MORN1: variants seen among roughly 807,000 people sequenced by gnomAD.
MORN1 encodes MORN repeat-containing protein 1.
Under a neutral mutation model 61.9 loss-of-function variants are expected in MORN1, and 67 were observed. That is an observed-to-expected ratio of 1.08 (90% confidence interval 0.89 to 1.33). MORN1 has a LOEUF of 1.33. Among genes scored for constraint, MORN1 ranks in the 40% most tolerant of loss-of-function variants. The probability of loss-of-function intolerance (pLI) is 0.00; values close to 1 mark genes in which losing one functional copy is unlikely to be tolerated. For synonymous variants in MORN1, 301 were observed against 292.0 expected (o/e 1.03, Z -0.31); for missense variants, 752 against 691.2 (o/e 1.09, Z -0.99).
chr1:2,375,392 C>A (rs12743492), intron 6 of MORN1: 2,752 of 152,404 alleles, frequency 0.018, 62 homozygotes, highest in Admixed American at 0.06. Flanking sequence ...GGATCCTGGG[C>A]CCTGGGATGT....
chr1:2,323,253 A>G (rs1386036728), intron 13 of MORN1: 1 of 985,224 alleles, frequency 1.0e-6, no homozygotes, highest in African/African-American at 1.7e-5. Context: ...CCCCGGCCAC[A>G]CGGGTGCCGT....
intron 6 of MORN1, among the ~76,000 whole-genome samples, chr1:2,381,456 A>G (rs1224070825): frequency 6.6e-6 from 1 of 152,152 alleles, no homozygotes; most frequent in Non-Finnish European, 1.5e-5. Context: ...TGGGGCAGCA[A>G]GCACCAGCAC....
rs368456519 is a variant in MORN1, at chr1:2,324,090, C to T, written c.1297+7G>A. 2.5e-6 allele frequency: 4 copies of T among 1,595,808 alleles called. No homozygotes were observed. The African/African-American group carries it at 4.0e-5, about 16-fold the overall frequency. On this transcript the variant is annotated splice_region_variant and intron_variant, in intron 13 of 13. Transcript: ENST00000378531. ...GCCGGCGATGGACTTGGGCCCTGTC[C>T]ACCTACCTAGGTGTGCTGCCGCAGC...
At chr1:2,389,616 G>C (rs1371817958) in intron 2 of MORN1, among the ~76,000 whole-genome samples, 1 of 152,208 alleles carries the variant, frequency 6.6e-6, no homozygotes, top group Non-Finnish European at 1.5e-5. Flanking sequence ...TACAAGAGTA[G>C]GTTCTCTTTA....
In MORN1 at chr1:2,372,088, A is replaced by G; in HGVS notation, c.745+393T>C. ...CAACTGCGATGGCCAGCAGCGGATG[A>G]GTGGGGAAGCAGAAAGTAGCCCCTC... On this transcript the variant is annotated intron_variant, in intron 8 of 13. Transcript: ENST00000378531. The surrounding 1 kb of genome is among the most constrained non-coding windows in gnomAD (Gnocchi z 5.4). The G allele has an allele frequency of 4.4e-6, 1 of 229,140 alleles. No homozygotes were observed. Among genetic ancestry groups the G allele is most frequent in the Non-Finnish European group, 8.8e-6 (1 of 113,038 alleles). 14.2% of individuals were successfully genotyped at this position (229,140 alleles called of 1,614,324 possible).
chr1:2,329,349 A>C (rs1457683219), intron 12 of MORN1, among the ~76,000 whole-genome samples: 1 of 152,224 alleles, frequency 6.6e-6, no homozygotes, highest in Non-Finnish European at 1.5e-5. Flanking sequence ...TTTCTAAAGA[A>C]GAACCCAGTC....
chr1:2,380,088 C>A (rs950240399), intron 6 of MORN1, among the ~76,000 whole-genome samples: 1 of 152,156 alleles, frequency 6.6e-6, no homozygotes, highest in African/African-American at 2.4e-5. Flanking sequence ...CTGGCACAGG[C>A]TCCAGCATGG....
chr1:2,347,380 C>T (rs1641540446), intron 10 of MORN1, among the ~76,000 whole-genome samples: 2 of 152,302 alleles, frequency 1.3e-5, no homozygotes, highest in Middle Eastern at 3.4e-3. Context: ...TGCGGCTGCC[C>T]CCTACCCCCG....
At chr1:2,388,945 C>T (rs1642573244) in intron 2 of MORN1, among the ~76,000 whole-genome samples, 1 of 151,788 alleles carries the variant, frequency 6.6e-6, no homozygotes, top group African/African-American at 2.4e-5. Context: ...AACTGCATCT[C>T]TACTAAAAAT....
chr1:2,354,373 T>C (rs1207729599), intron 10 of MORN1, among the ~76,000 whole-genome samples: 1 of 151,604 alleles, frequency 6.6e-6, no homozygotes, highest in Non-Finnish European at 1.5e-5. Context: ...GAGACCAGCC[T>C]GGGCAACATG....
intron 4 of MORN1, 162 bp from the exon 5 acceptor site, chr1:2,386,059 G>C (rs1642491201): frequency 1.4e-5 from 9 of 632,956 alleles, no homozygotes; most frequent in Non-Finnish European, 2.3e-5. Context: ...TCCAGACCTG[G>C]CTACACAGAG....
chr1:2,385,164 G>A, intron 5 of MORN1, 99 bp from the exon 6 acceptor site: 1 of 1,275,802 alleles, frequency 7.8e-7, no homozygotes, highest in Non-Finnish European at 1.1e-6. Context: ...AGGCACTGCG[G>A]GACCGAGGCA....
At chr1:2,374,389 T>C (rs2100341843) in intron 7 of MORN1, 72 bp downstream of exon 7, 2 of 1,374,964 alleles carry the variant, frequency 1.5e-6, no homozygotes, top group South Asian at 1.3e-5. Context: ...GTTTCCCATA[T>C]GGCTGCCCGG....
rs1642659871 is a variant in MORN1, at chr1:2,391,405, C to T, written c.76+53G>A. 3 of 1,252,330 alleles carry T rather than the reference C, an allele frequency of 2.4e-6. No individual in the cohort carries two copies. In the African/African-American group the frequency reaches 4.7e-5, roughly 19 times the overall value. The allele number at this position is 1,252,330 out of a possible 1,614,324, so 77.6% of individuals were successfully genotyped here. The stretch of plus-strand genomic sequence containing the variant: ...GTCGAGGGCGTAGAGCGATCGCACC[C>T]TGAATGGAGCCCAGGGCAGCCAGCG... On this transcript the variant is annotated intron_variant, in intron 1 of 13. Coordinates refer to ENST00000378531, the MANE Select transcript of MORN1 (RefSeq NM_024848.3).
chr1:2,387,336 G>A, intron 4 of MORN1, 83 bp downstream of exon 4: 1 of 1,017,144 alleles, frequency 9.8e-7, no homozygotes. Flanking sequence ...CCCTCTCAGA[G>A]GTTCCTGAAC....
At chr1:2,387,154 A>G in intron 4 of MORN1, 1 of 523,214 alleles carries the variant, frequency 1.9e-6, no homozygotes, top group Non-Finnish European at 3.5e-6. Flanking sequence ...TGGCCATTTT[A>G]ACCCCTAAGC....
At position 2,342,016 on chromosome 1, in the gene MORN1, T is replaced by C. The variant is rs372575234; in HGVS notation, c.1037-5166A>G. Among the ~76,000 whole-genome samples the C allele has an allele frequency of 1.8e-4, 27 of 152,362 alleles. No homozygotes were observed. The East Asian group carries it at 2.9e-3, about 16-fold the overall frequency. ...GCACTTCCCGAGCCAAGGCCATGCTTGTCACCTCCTGGCAGGCATGCCCCT... is the reference window on the plus strand; with the variant it reads ...GCACTTCCCGAGCCAAGGCCATGCTCGTCACCTCCTGGCAGGCATGCCCCT... On this transcript the variant is annotated intron_variant, in intron 10 of 13. Transcript: ENST00000378531.
At chr1:2,342,241 A>G (rs1004586015) in intron 10 of MORN1, among the ~76,000 whole-genome samples, 4 of 152,330 alleles carry the variant, frequency 2.6e-5, no homozygotes, top group East Asian at 1.9e-4. Context: ...GGCGGACTCA[A>G]TTAGACTCCC....
intron 8 of MORN1, among the ~76,000 whole-genome samples, chr1:2,359,692 G>A (rs1245598782): frequency 6.6e-6 from 1 of 152,136 alleles, no homozygotes; most frequent in Non-Finnish European, 1.5e-5. Flanking sequence ...AGACCAGCCT[G>A]GCCAACATGG....
Sources: gnomAD v4.1 joint callset for allele counts (sites outside exome capture counted in the v4.1 genomes callset) on GRCh38, gnomAD v4.1.1 for gene constraint, Gnocchi (gnomAD v3.1) non-coding constraint, MANE v1.5 for transcripts, NCBI Gene and HGNC (gene_info 2026-07-23, HGNC 2026-07-21) for gene names.